RSRC1: variants seen among roughly 807,000 people sequenced by gnomAD.
RSRC1 encodes the protein arginine and serine rich coiled-coil 1.
RSRC1 carries 39 observed loss-of-function variants against 49.1 expected under a neutral mutation model. The ratio of observed to expected loss-of-function variants is 0.79; its 90% CI spans 0.61 to 1.04. The LOEUF (loss-of-function observed/expected upper bound fraction) is 1.04, where lower values mean the gene tolerates loss of function less well. Ranked by LOEUF, RSRC1 falls within the 50% of genes least tolerant of loss-of-function variation. RSRC1 has a pLI of 0.00. For synonymous variants in RSRC1, 143 were observed against 130.8 expected (o/e 1.09, Z -0.63); for missense variants, 388 against 402.4 (o/e 0.96, Z 0.31).
At chr3:158,297,119 T>G (rs1727279798) in intron 4 of RSRC1, among the ~76,000 whole-genome samples, 1 of 152,038 alleles carries the variant, frequency 6.6e-6, no homozygotes, top group Non-Finnish European at 1.5e-5. Context: ...AATAATTACT[T>G]TCTGCAATGT....
intron 5 of RSRC1, among the ~76,000 whole-genome samples, chr3:158,331,404 A>G (rs139021174): frequency 6.6e-6 from 1 of 152,300 alleles, no homozygotes; most frequent in Non-Finnish European, 1.5e-5. Context: ...CTTTTTTTGA[A>G]TGAAGCTATT....
intron 1 of RSRC1, among the ~76,000 whole-genome samples, chr3:158,115,986 G>T (rs1413097155): frequency 1.3e-5 from 2 of 152,124 alleles, no homozygotes; most frequent in East Asian, 1.9e-4. Context: ...CTTTACCCAC[G>T]CATGGTTTTG....
intron 6 of RSRC1, among the ~76,000 whole-genome samples, chr3:158,426,482 A>G (rs144919691): frequency 1.3e-5 from 2 of 151,740 alleles, no homozygotes; most frequent in East Asian, 3.9e-4. Context: ...AACCGCATGT[A>G]TTTTAAAAAG....
At chr3:158,148,021 T>G (rs1229073309) in intron 3 of RSRC1, among the ~76,000 whole-genome samples, 2 of 152,224 alleles carry the variant, frequency 1.3e-5, no homozygotes, top group Non-Finnish European at 2.9e-5. Flanking sequence ...TGAACTGTAC[T>G]AGTTTGTGGA....
intron 6 of RSRC1, among the ~76,000 whole-genome samples, chr3:158,408,265 A>C (rs1049998483): frequency 6.6e-6 from 1 of 152,220 alleles, no homozygotes; most frequent in Non-Finnish European, 1.5e-5. Context: ...AGAGAGTTTT[A>C]GTCACCAGAG....
At position 158,480,523 on chromosome 3, in the gene RSRC1, A is replaced by G. The variant is rs866670357; in HGVS notation, c.652+19520A>G. On this transcript the variant is annotated intron_variant, in intron 7 of 9. Coordinates refer to ENST00000611884, the MANE Select transcript of RSRC1 (RefSeq NM_001271838.2). ...CGAAATTTGGTTTTTTCTAATTTTT[A>G]TATTATAGTCTCTTAGATGGAAATT... is the stretch of plus-strand genomic sequence containing the variant. 2.6e-5 allele frequency among the ~76,000 whole-genome samples: 4 copies of G among 152,068 alleles called. 1 individual carries two copies. Among genetic ancestry groups the G allele is most frequent in the African/African-American group, 9.7e-5 (4 of 41,446 alleles).
rs564180515 is a variant in RSRC1 at position 158,515,186 on chromosome 3, T to C, written c.653-21906T>C. Among the ~76,000 whole-genome samples the C allele has an allele frequency of 1.2e-4, 19 of 152,150 alleles. 1 individual carries two copies. In the South Asian group the frequency reaches 4.0e-3, roughly 32 times the overall value. On this transcript the variant is annotated intron_variant, in intron 7 of 9. Coordinates refer to ENST00000611884, the MANE Select transcript of RSRC1 (RefSeq NM_001271838.2). ...TGATGTTAGCTGGTTATTTTGCTCG[T>C]TAGTTGATGCAGTTTCTTCCTAGTT...
At chr3:158,204,636 G>A (rs1369206366) in intron 4 of RSRC1, among the ~76,000 whole-genome samples, 1 of 152,176 alleles carries the variant, frequency 6.6e-6, no homozygotes, top group Non-Finnish European at 1.5e-5. Flanking sequence ...TTTACATACA[G>A]TAGAGTTCTG....
At position 158,362,006 on chromosome 3, in the gene RSRC1, T is replaced by C. The variant is rs577518800; in HGVS notation, c.583+7098T>C. On this transcript the variant is annotated intron_variant, in intron 6 of 9. Transcript: ENST00000611884. ...ATATTTAGTTGTTTCATGAATGTTA[T>C]ACTTATTTTTCCAATGAAATAAACT... Among the ~76,000 whole-genome samples, 6 of 152,340 alleles carry C rather than the reference T, an allele frequency of 3.9e-5. No individual in the cohort carries two copies. In the South Asian group the frequency reaches 6.2e-4, roughly 16 times the overall value.
intron 3 of RSRC1, among the ~76,000 whole-genome samples, chr3:158,191,979 A>G (rs999758234): frequency 2.0e-5 from 3 of 152,028 alleles, no homozygotes; most frequent in African/African-American, 7.2e-5. Flanking sequence ...AGCTTAGTTT[A>G]TTTCAATCTG....
At chr3:158,199,847 TTTAA>T (rs1166112519) in intron 3 of RSRC1, among the ~76,000 whole-genome samples, 3 of 152,194 alleles carry the variant, frequency 2.0e-5, no homozygotes, top group African/African-American at 7.2e-5. Flanking sequence ...TAAATTCTAA[TTTAA>T]TTCTGTTTTG....
intron 4 of RSRC1, among the ~76,000 whole-genome samples, chr3:158,255,188 A>G (rs1192741987): frequency 2.6e-5 from 4 of 151,820 alleles, no homozygotes; most frequent in Non-Finnish European, 5.9e-5. Flanking sequence ...TAGGGTTTTT[A>G]TGGTTTTAGG....
In RSRC1 at chr3:158,110,136, C is replaced by G. The variant is rs1204587725; in HGVS notation, c.-90C>G. ...TAAACTGAAGCAAGTTCGGTGGACG[C>G]CGGCGGCGCCCTGATCTAAAGAAAC... On this transcript the variant is annotated 5_prime_UTR_variant, in exon 1 of 10. Coordinates refer to ENST00000611884, the MANE Select transcript of RSRC1 (RefSeq NM_001271838.2). The G allele has an allele frequency of 6.6e-6, 1 of 152,256 alleles. No individual in the cohort carries two copies. Among genetic ancestry groups the G allele is most frequent in the Admixed American group, 6.5e-5 (1 of 15,294 alleles). 9.4% of individuals were successfully genotyped at this position (152,256 alleles called of 1,614,324 possible). A position where few individuals can be genotyped will look rare whatever the true frequency, so the allele number is the denominator to read the frequency against.
At chr3:158,143,047 G>A (rs945602584) in intron 3 of RSRC1, among the ~76,000 whole-genome samples, 1 of 152,102 alleles carries the variant, frequency 6.6e-6, no homozygotes, top group African/African-American at 2.4e-5. Flanking sequence ...TCTACTTGAG[G>A]CCTTTGTTAA....
intron 4 of RSRC1, among the ~76,000 whole-genome samples, chr3:158,296,969 G>T (rs993162726): frequency 3.3e-5 from 5 of 151,906 alleles, no homozygotes; most frequent in Non-Finnish European, 5.9e-5. Context: ...AAAGGAAACA[G>T]GTAAGTATAT....
intron 6 of RSRC1, among the ~76,000 whole-genome samples, chr3:158,399,761 C>T (rs1296717006): frequency 6.6e-6 from 1 of 152,076 alleles, no homozygotes; most frequent in Non-Finnish European, 1.5e-5. Flanking sequence ...TGTTCTTACC[C>T]ATTGTGTAAC....
chr3:158,494,667 C>A (rs1313379151), intron 7 of RSRC1, among the ~76,000 whole-genome samples: 2 of 152,156 alleles, frequency 1.3e-5, no homozygotes, highest in Admixed American at 1.3e-4. Context: ...TACCTTTATT[C>A]TTTAAGCATT....
At chr3:158,455,979 C>CAAAAAAAAAAAAAAAA (rs765828003) in intron 6 of RSRC1, among the ~76,000 whole-genome samples, 2 of 56,518 alleles carry the variant, frequency 3.5e-5, no homozygotes, top group South Asian at 9.7e-4. Flanking sequence ...GACTCCATCT[C>CAAAAAAAAAAAAAAAA]AAAAAAAAAA....
At chr3:158,321,585 A>G (rs960735882) in intron 5 of RSRC1, among the ~76,000 whole-genome samples, 11 of 149,572 alleles carry the variant, frequency 7.4e-5, no homozygotes, top group Middle Eastern at 3.4e-3. Flanking sequence ...TAAACACACT[A>G]TGTATTTATA....
Sources: allele counts gnomAD v4.1 joint callset (sites outside exome capture counted in the v4.1 genomes callset), GRCh38; gene constraint gnomAD v4.1.1; transcripts MANE v1.5; gene names NCBI Gene and HGNC (gene_info 2026-07-23, HGNC 2026-07-21).